The following KLF8 variants were observed in gnomAD, a reference collection of about 807,000 sequenced individuals.
The protein encoded by KLF8 is KLF transcription factor 8.
KLF8 carries 10 observed loss-of-function variants against 18.2 expected under a neutral mutation model. The observed-to-expected ratio is 0.55, with a 90% CI of 0.34 to 0.93. The LOEUF is 0.93. KLF8 is among the 40% of genes least tolerant of loss of function. The pLI is 0.02. For missense variants in KLF8, 264 were observed against 277.9 expected (o/e 0.95, Z 0.36); for synonymous variants, 109 against 97.3 (o/e 1.12, Z -0.71).
chrX:55,933,571 G>C, the KLF8 span, among the ~76,000 whole-genome samples: 1 of 111,953 alleles, frequency 8.9e-6, no homozygotes, highest in Non-Finnish European at 1.9e-5. Context: ...AAAATATTTC[G>C]ATTTTGAGGC....
chrX:56,219,442 T>G, the KLF8 span, among the ~76,000 whole-genome samples: 1 of 112,054 alleles, frequency 8.9e-6, no homozygotes, highest in African/African-American at 3.2e-5. Context: ...GCCCTAAATA[T>G]TAGCAACTGG....
At chrX:56,081,225 C>A in the KLF8 span, among the ~76,000 whole-genome samples, 3 of 111,363 alleles carry the variant, frequency 2.7e-5, no homozygotes, top group South Asian at 7.5e-4. Flanking sequence ...AGGCGCTCTG[C>A]TTTTTGGAGT....
chrX:56,079,675 G>T, the KLF8 span, among the ~76,000 whole-genome samples: 3 of 111,450 alleles, frequency 2.7e-5, no homozygotes, highest in Non-Finnish European at 5.6e-5. Flanking sequence ...GTGCAGAGCT[G>T]AGTTCAATTC....
At chrX:56,070,971 A>G in the KLF8 span, among the ~76,000 whole-genome samples, 7 of 111,953 alleles carry the variant, frequency 6.3e-5, no homozygotes, top group Non-Finnish European at 3.8e-5. Flanking sequence ...AGCTAATTTT[A>G]TGTTCCTCTA....
At chrX:56,053,973 T>C in the KLF8 span, among the ~76,000 whole-genome samples, 1 of 111,098 alleles carries the variant, frequency 9.0e-6, no homozygotes, top group Admixed American at 9.6e-5. Context: ...GTTAATCTTT[T>C]AATGCTTTTT....
the KLF8 span, among the ~76,000 whole-genome samples, chrX:56,222,591 C>T: frequency 1.8e-5 from 2 of 112,944 alleles, no homozygotes; most frequent in African/African-American, 6.4e-5. Context: ...GCCAGTCCCA[C>T]ATGGTGGGCC....
chrX:56,110,454 A>T, the KLF8 span, among the ~76,000 whole-genome samples: 2 of 111,948 alleles, frequency 1.8e-5, no homozygotes, highest in East Asian at 5.6e-4. Flanking sequence ...TAAGTCATTT[A>T]TGTGTAATGT....
At chrX:56,007,008 A>T in the KLF8 span, among the ~76,000 whole-genome samples, 1 of 112,002 alleles carries the variant, frequency 8.9e-6, no homozygotes, top group Non-Finnish European at 1.9e-5. Context: ...TCATGAATGT[A>T]CATGTAGACA....
the KLF8 span, among the ~76,000 whole-genome samples, chrX:56,117,203 C>T: frequency 8.9e-6 from 1 of 112,079 alleles, no homozygotes. Context: ...ACAGTCCTAA[C>T]ACATTTCAGT....
At chrX:56,167,417 C>A in the KLF8 span, among the ~76,000 whole-genome samples, 1 of 112,122 alleles carries the variant, frequency 8.9e-6, no homozygotes, top group Non-Finnish European at 1.9e-5. Flanking sequence ...GTGCAAGCCA[C>A]CACGCCTGGC....
At chrX:56,086,018 G>A in the KLF8 span, among the ~76,000 whole-genome samples, 1 of 111,798 alleles carries the variant, frequency 8.9e-6, no homozygotes. Flanking sequence ...GACCACACCT[G>A]CAGTTGAACA....
chrX:55,923,872 C>A, the KLF8 span, among the ~76,000 whole-genome samples: 19 of 110,720 alleles, frequency 1.7e-4, no homozygotes, highest in East Asian at 4.8e-3. Context: ...ATCTAAAAGC[C>A]CTTCTTGATG....
At chrX:56,079,899 G>A in the KLF8 span, among the ~76,000 whole-genome samples, 2 of 111,563 alleles carry the variant, frequency 1.8e-5, no homozygotes, top group African/African-American at 3.3e-5. Context: ...TTACCATTAT[G>A]TGATGGCCTT....
the KLF8 span, among the ~76,000 whole-genome samples, chrX:56,107,939 T>C: frequency 1.8e-5 from 2 of 112,123 alleles, no homozygotes; most frequent in Non-Finnish European, 1.9e-5. Context: ...TGGTAAAATA[T>C]ATTCCCAATT....
chrX:55,992,451 A>C, the KLF8 span, among the ~76,000 whole-genome samples: 8 of 111,668 alleles, frequency 7.2e-5, no homozygotes, highest in African/African-American at 9.8e-5. Flanking sequence ...TGTTCCATTC[A>C]TCTATGAACC....
chrX:56,112,225 C>T, the KLF8 span, among the ~76,000 whole-genome samples: 2 of 111,512 alleles, frequency 1.8e-5, no homozygotes, highest in Non-Finnish European at 3.8e-5. Flanking sequence ...AACAAGCTAA[C>T]ACAAGAACAG....
the KLF8 span, among the ~76,000 whole-genome samples, chrX:55,998,891 G>A: frequency 5.6e-5 from 6 of 107,736 alleles, no homozygotes; most frequent in Non-Finnish European, 1.1e-4. Flanking sequence ...TTGCTTTTGG[G>A]GATTTAGCCA....
chrX:56,092,372 TG>T, the KLF8 span, among the ~76,000 whole-genome samples: 1 of 111,937 alleles, frequency 8.9e-6, no homozygotes, highest in Non-Finnish European at 1.9e-5. Context: ...TCATGTTTTT[TG>T]TGTAGACCAA....
the KLF8 span, among the ~76,000 whole-genome samples, chrX:56,011,726 AAAAG>A: frequency 8.9e-6 from 1 of 112,013 alleles, no homozygotes; most frequent in Admixed American, 9.5e-5. Context: ...AATAAAGAAG[AAAAG>A]AAAGAAGAAT....
Sources: allele counts gnomAD v4.1 joint callset (sites outside exome capture counted in the v4.1 genomes callset), GRCh38; gene constraint gnomAD v4.1.1; transcripts MANE v1.5; gene names NCBI Gene and HGNC (gene_info 2026-07-23, HGNC 2026-07-21).